The following KBTBD3 variants were observed in gnomAD, a reference collection of about 807,000 sequenced individuals.
KBTBD3 encodes kelch repeat and BTB domain containing 3.
In KBTBD3, 38 loss-of-function variants were observed where a neutral mutation model predicts 49.6. The observed-to-expected ratio is 0.77, with a 90% CI of 0.59 to 1.00. The LOEUF (loss-of-function observed/expected upper bound fraction) is 1.00. KBTBD3 is among the 50% of genes least tolerant of loss of function. The pLI, the probability that KBTBD3 is intolerant of heterozygous loss-of-function variation, is 0.00. For synonymous variants in KBTBD3, 214 were observed against 250.4 expected, an observed-to-expected ratio of 0.85 and a Z score of 1.37; for missense variants, 661 against 712.0, an observed-to-expected ratio of 0.93 and a Z score of 0.81.
At chr11:106,060,794 G>T (rs559842920) in intron 2 of KBTBD3, among the ~76,000 whole-genome samples, 1 of 152,262 alleles carries the variant, frequency 6.6e-6, no homozygotes, top group Non-Finnish European at 1.5e-5. Flanking sequence ...TGACAAATGG[G>T]ATCTAATTAA....
intron 2 of KBTBD3, among the ~76,000 whole-genome samples, chr11:106,073,885 T>C (rs1363558273): frequency 6.6e-6 from 1 of 152,150 alleles, no homozygotes; most frequent in East Asian, 1.9e-4. Context: ...AATTGGACAG[T>C]GACATGACAT....
At chr11:106,060,106 A>C (rs1309998249) in intron 2 of KBTBD3, among the ~76,000 whole-genome samples, 1 of 151,798 alleles carries the variant, frequency 6.6e-6, no homozygotes, top group East Asian at 1.9e-4. Context: ...GTTTCTTATG[A>C]TTCAGCTGGG....
At chr11:106,065,657 A>T (rs1306830262) in intron 2 of KBTBD3, among the ~76,000 whole-genome samples, 2 of 152,150 alleles carry the variant, frequency 1.3e-5, no homozygotes, top group African/African-American at 2.4e-5. Flanking sequence ...TATAGACATT[A>T]TTCTTTTAAA....
intron 3 of KBTBD3, among the ~76,000 whole-genome samples, chr11:106,058,585 G>A (rs1364020739): frequency 1.3e-5 from 2 of 151,666 alleles, no homozygotes; most frequent in South Asian, 2.1e-4. Context: ...CATTGCGACC[G>A]GCTAATTTTT....
intron 2 of KBTBD3, among the ~76,000 whole-genome samples, chr11:106,065,339 A>G (rs560545712): frequency 1.3e-5 from 2 of 152,274 alleles, no homozygotes; most frequent in East Asian, 1.9e-4. Flanking sequence ...ATATGTACAC[A>G]TGTTATCTGT....
At chr11:106,074,116 C>A (rs950303784) in intron 2 of KBTBD3, among the ~76,000 whole-genome samples, 3 of 84,754 alleles carry the variant, frequency 3.5e-5, no homozygotes, top group African/African-American at 8.0e-5. Flanking sequence ...CCGAACACCC[C>A]CCCCCACACA....
chr11:106,064,551 A>ATAAATAAATAAATAAATAAATAAC (rs1860768682), intron 2 of KBTBD3, among the ~76,000 whole-genome samples: 1 of 151,904 alleles, frequency 6.6e-6, no homozygotes, highest in Admixed American at 6.6e-5. Flanking sequence ...TTCTAAATAA[A>ATAAATAAATAAATAAATAAATAAC]TAAATAAATA....
At chr11:106,062,907 G>T (rs970737775) in intron 2 of KBTBD3, among the ~76,000 whole-genome samples, 1 of 152,196 alleles carries the variant, frequency 6.6e-6, no homozygotes, top group East Asian at 1.9e-4. Context: ...TAATGTCCCA[G>T]AACTAATTCT....
At chr11:106,060,642 C>G (rs1460278041) in intron 2 of KBTBD3, among the ~76,000 whole-genome samples, 1 of 152,154 alleles carries the variant, frequency 6.6e-6, no homozygotes, top group Non-Finnish European at 1.5e-5. Context: ...AAAATTAACT[C>G]AAGATGGATT....
At chr11:106,074,174 A>C (rs1267980016) in intron 2 of KBTBD3, among the ~76,000 whole-genome samples, 1 of 148,142 alleles carries the variant, frequency 6.8e-6, no homozygotes, top group Non-Finnish European at 1.5e-5. Flanking sequence ...ACCCTACTAG[A>C]CATTTTCCAT....
chr11:106,058,359 C>T (rs977029259), intron 3 of KBTBD3, among the ~76,000 whole-genome samples: 3 of 147,380 alleles, frequency 2.0e-5, no homozygotes, highest in Admixed American at 6.7e-5. Context: ...CCAGCCTGGG[C>T]GACAGAGCGA....
intron 3 of KBTBD3, among the ~76,000 whole-genome samples, chr11:106,054,951 T>G (rs1487548891): frequency 6.6e-6 from 1 of 152,038 alleles, no homozygotes; most frequent in Non-Finnish European, 1.5e-5. Flanking sequence ...AATGACTCTA[T>G]TGGGTGGGGA....
In KBTBD3 at chr11:106,076,668, G is replaced by C. The variant is rs1290589312; in HGVS notation, c.-174C>G. The C allele has an allele frequency of 6.6e-6, 1 of 152,090 alleles. No individual in the cohort carries two copies. The highest frequency in any genetic ancestry group is 2.4e-5 in the African/African-American group (1 of 41,366). 9.4% of individuals were successfully genotyped at this position (152,090 alleles called of 1,614,324 possible). A position where few individuals can be genotyped will look rare whatever the true frequency, so the allele number is the denominator to read the frequency against. ...ACCTGCAGGGCACTTGGATCGCGTG[G>C]GCTTTCATACGAGAGTCAACAACAG... On this transcript the variant is annotated 5_prime_UTR_variant, in exon 2 of 4. Coordinates refer to ENST00000531837, the MANE Select transcript of KBTBD3 (RefSeq NM_198439.3).
At chr11:106,077,252 C>G (rs530661198) in intron 1 of KBTBD3, 60 bp downstream of exon 1, 1 of 171,192 alleles carries the variant, frequency 5.8e-6, no homozygotes, top group Admixed American at 5.9e-5. Context: ...GGGGCCAACT[C>G]AGACCCTGAG....
intron 2 of KBTBD3, among the ~76,000 whole-genome samples, chr11:106,073,771 A>G (rs1423795559): frequency 1.3e-5 from 2 of 152,224 alleles, no homozygotes; most frequent in Non-Finnish European, 2.9e-5. Flanking sequence ...GAAGAGGGTT[A>G]GGAGATAGGG....
rs1217844631 is a variant in KBTBD3, at chr11:106,053,751, C to G, written c.938G>C (p.Cys313Ser). ...CCATGAATCAGATTTAATGTTATAG[C>G]AAAATGTATATTGATTTTCTCCATT... ...EENGENQYTF[C>S]YNIKSDSWKI... Residue 313 changes from cysteine (C) to serine (S), a missense_variant, in exon 4 of 4, where the codon TGC (cysteine) becomes TCC (serine). Cys to Ser is a moderately radical substitution (Grantham distance 112, BLOSUM62 -1). Coordinates refer to ENST00000531837, the MANE Select transcript of KBTBD3 (RefSeq NM_198439.3). 2.5e-6 allele frequency: 4 copies of G among 1,613,662 alleles called. No homozygotes were observed. The highest frequency in any genetic ancestry group is 3.4e-6 in the Non-Finnish European group (4 of 1,179,850).
At position 106,053,889 on chromosome 11, in the gene KBTBD3, C is replaced by G. The variant is rs769937627; in HGVS notation, c.800G>C (p.Cys267Ser). The G allele has an allele frequency of 1.9e-6, 3 of 1,613,938 alleles. No individual in the cohort carries two copies. Among genetic ancestry groups the G allele is most frequent in the Non-Finnish European group, 2.5e-6 (3 of 1,179,882 alleles). The change falls in exon 4 of 4, where the codon TGT becomes TCT. Residue 267 changes from cysteine to serine, a missense_variant. Coordinates refer to ENST00000531837, the MANE Select transcript of KBTBD3 (RefSeq NM_198439.3). ...AATTGCATCCATGATTATGTCAAAA[C>G]AGTTTGTGCTTTTGAGTAAACTCTC... ...NEESLLKSTN[C>S]FDIIMDAIKC...
Position 106,054,367 on chromosome 11 carries a change from C to T in KBTBD3, c.322G>A (p.Asp108Asn), listed in dbSNP as rs775039056. Reference protein sequence around the residue: ...LSSKAVKAFLDYAYTGKTKIT... With the variant: ...LSSKAVKAFLNYAYTGKTKIT... ...TTTGTTTTTCCAGTATAGGCATAAT[C>T]GAGAAATGCTTTTACTGCCTTGGAG... The change falls in exon 4 of 4, where the codon GAT becomes AAT. Residue 108 changes from aspartate to asparagine, a missense_variant. Coordinates refer to ENST00000531837, the MANE Select transcript of KBTBD3 (RefSeq NM_198439.3). The T allele has an allele frequency of 1.8e-5, 29 of 1,611,046 alleles. No homozygotes were observed. The highest frequency in any genetic ancestry group is 6.6e-5 in the South Asian group (6 of 90,554).
intron 1 of KBTBD3, 93 bp from the exon 2 acceptor site, chr11:106,076,800 C>G (rs1201570629): frequency 6.6e-6 from 1 of 152,244 alleles, no homozygotes; most frequent in Non-Finnish European, 1.5e-5. Flanking sequence ...GCTGTTAGAG[C>G]AAGGACCTCT....
Sources: allele counts gnomAD v4.1 joint callset (sites outside exome capture counted in the v4.1 genomes callset), GRCh38; gene constraint gnomAD v4.1.1; transcripts MANE v1.5; gene names NCBI Gene and HGNC (gene_info 2026-07-23, HGNC 2026-07-21).